The following SLA variants were observed in gnomAD, a reference collection of about 807,000 sequenced individuals.
SLA encodes Src like adaptor, also known as src-like-adapter.
A neutral mutation model predicts 30.3 loss-of-function variants in SLA; 16 were observed. The observed-to-expected ratio is 0.53, with a 90% CI of 0.36 to 0.80. The LOEUF is 0.80. Ranked by LOEUF, SLA falls within the 30% of genes least tolerant of loss-of-function variation. SLA has a pLI of 0.01. For missense variants in SLA, 310 were observed against 345.2 expected, an observed-to-expected ratio of 0.90 and a Z score of 0.81; for synonymous variants, 143 against 137.8, an observed-to-expected ratio of 1.04 and a Z score of -0.26.
chr8:133,102,365 T>A (rs1315683845), intron 1 of SLA, 188 bp downstream of exon 1: 29 of 546,346 alleles, frequency 5.3e-5, no homozygotes, highest in Non-Finnish European at 9.6e-5. Flanking sequence ...GAGTGGAGCC[T>A]CTTACCCCAA....
At chr8:133,083,004 T>C (rs1344641655) in intron 1 of SLA, among the ~76,000 whole-genome samples, 1 of 152,176 alleles carries the variant, frequency 6.6e-6, no homozygotes, top group Non-Finnish European at 1.5e-5. Flanking sequence ...CACAACTAAT[T>C]ACACTTAGTG....
chr8:133,046,091 G>T (rs531528313), intron 6 of SLA, among the ~76,000 whole-genome samples: 1 of 152,176 alleles, frequency 6.6e-6, no homozygotes, highest in East Asian at 1.9e-4. Context: ...GAGTAGAACC[G>T]CAGCCATGTG....
intron 1 of SLA, among the ~76,000 whole-genome samples, chr8:133,088,556 A>G (rs1221736754): frequency 1.3e-5 from 2 of 152,352 alleles, no homozygotes; most frequent in South Asian, 2.1e-4. Context: ...TTTGGAGATC[A>G]TGAGAGAAAA....
intron 1 of SLA, among the ~76,000 whole-genome samples, chr8:133,099,041 T>C (rs1199902333): frequency 3.3e-5 from 5 of 152,196 alleles, no homozygotes; most frequent in Non-Finnish European, 7.4e-5. Flanking sequence ...CTAAGGTTTT[T>C]AAGGAAAGCT....
intron 1 of SLA, among the ~76,000 whole-genome samples, chr8:133,090,778 A>G (rs1172415649): frequency 6.6e-6 from 1 of 152,216 alleles, no homozygotes; most frequent in Non-Finnish European, 1.5e-5. Flanking sequence ...GACAAAGGAA[A>G]TTGGCAAAAT....
In SLA at chr8:133,038,668, A is replaced by G; in HGVS notation, c.687T>C (p.Leu229=). The G allele has an allele frequency of 6.2e-7, 1 of 1,614,098 alleles. No homozygotes were observed. The highest frequency in any genetic ancestry group is 1.3e-5 in the African/African-American group (1 of 75,018). Residue 229 remains leucine, a synonymous_variant, in exon 9 of 9, where the codon CTT becomes CTC. Coordinates refer to ENST00000338087, the MANE Select transcript of SLA (RefSeq NM_001045556.3). ...GVDESLFSYG[L]RESIASYLSL... ...ACAGGTAAGAGGCAATGCTCTCTCG[A>G]AGGCCATAGCTGAAAAGGGACTCGT...
intron 3 of SLA, among the ~76,000 whole-genome samples, chr8:133,053,263 A>G (rs1840760944): frequency 1.3e-5 from 2 of 151,938 alleles, no homozygotes; most frequent in Non-Finnish European, 2.9e-5. Flanking sequence ...GCATTTTCCC[A>G]TTTGTGTGAC....
At chr8:133,096,053 G>A (rs573381564) in intron 1 of SLA, among the ~76,000 whole-genome samples, 1 of 152,334 alleles carries the variant, frequency 6.6e-6, no homozygotes, top group East Asian at 1.9e-4. Flanking sequence ...TTTGTCACAT[G>A]GTGTCCTGCC....
intron 3 of SLA, among the ~76,000 whole-genome samples, chr8:133,055,579 G>T (rs190337780): frequency 7.2e-5 from 11 of 152,158 alleles, no homozygotes; most frequent in Admixed American, 1.3e-4. Context: ...CCCAAGCCTT[G>T]GTTTTTCCGT....
chr8:133,066,183 G>A (rs6992986), intron 2 of SLA, among the ~76,000 whole-genome samples: 22,469 of 152,056 alleles, frequency 0.15, 2,223 homozygotes, highest in Non-Finnish European at 0.21. Context: ...TAAATTAGCC[G>A]GGCGTGGTGG....
In SLA at chr8:133,075,744, C is replaced by T. The variant is rs146546253; in HGVS notation, c.-318-614G>A. ...GCCATAGAAGTAATGGCAAAAACCA[C>T]AATCATTGTGGCACCAACCTAATAC... On this transcript the variant is annotated intron_variant, in intron 1 of 8. Coordinates refer to ENST00000338087, the MANE Select transcript of SLA (RefSeq NM_001045556.3). 5.8e-3 allele frequency among the ~76,000 whole-genome samples: 889 copies of T among 152,174 alleles called. 4 individuals carry two copies. The highest frequency in any genetic ancestry group is 0.02 in the Middle Eastern group (6 of 294).
chr8:133,074,573 C>A (rs1423497465), intron 2 of SLA, among the ~76,000 whole-genome samples: 1 of 152,218 alleles, frequency 6.6e-6, no homozygotes, highest in African/African-American at 2.4e-5. Context: ...TTGTAAGAAG[C>A]CTGCTAAGTA....
At chr8:133,067,061 T>C (rs1300490333) in intron 2 of SLA, among the ~76,000 whole-genome samples, 1 of 152,206 alleles carries the variant, frequency 6.6e-6, no homozygotes, top group Non-Finnish European at 1.5e-5. Context: ...TGCTCAGTGC[T>C]GCCTGTGGTC....
At position 133,050,876 on chromosome 8, in the gene SLA, G is replaced by A. The variant is rs753671246; in HGVS notation, c.101C>T (p.Pro34Leu). The A allele has an allele frequency of 3.1e-6, 5 of 1,613,838 alleles. No individual in the cohort carries two copies. Among genetic ancestry groups the A allele is most frequent in the South Asian group, 2.2e-5 (2 of 91,058 alleles). Residue 34 changes from proline to leucine, a missense_variant, in exon 4 of 9, where the codon CCG (proline) becomes CTG (leucine). By Grantham distance (98) the Pro-to-Leu change is moderately conservative. Transcript: ENST00000338087. ...TATCGGGGGGCTGATGTCAGGAGAC[G>A]GGTAGTCACTTAGCACGGCAAGGAA... The part of the protein sequence containing the change: ...SDFLAVLSDY[P>L]SPDISPPIFR...
chr8:133,099,568 A>G (rs771842118), intron 1 of SLA, among the ~76,000 whole-genome samples: 34 of 152,128 alleles, frequency 2.2e-4, no homozygotes, highest in Non-Finnish European at 1.3e-4. Flanking sequence ...CTTCACTTAC[A>G]TGTCTCATAG....
chr8:133,041,784 GT>G lies in SLA; in HGVS notation c.485-1655del, dbSNP rs529937626. Among the ~76,000 whole-genome samples, 401 of 124,390 alleles carry G rather than the reference GT, an allele frequency of 3.2e-3. 2 individuals carry two copies. The highest frequency in any genetic ancestry group is 0.023 in the East Asian group (96 of 4,212). 81.6% of individuals were successfully genotyped at this position (124,390 alleles called of 152,430 possible). On this transcript the variant is annotated intron_variant, in intron 7 of 8. Transcript: ENST00000338087. ...TGAGGCCTTGATCAGCTTGTGGTCAGTTTTTTTTTTTTTTTTTTTTTTTAGA... is the reference window on the plus strand; with the variant it reads ...TGAGGCCTTGATCAGCTTGTGGTCAGTTTTTTTTTTTTTTTTTTTTTTAGA...
intron 1 of SLA, among the ~76,000 whole-genome samples, chr8:133,075,416 A>G (rs1844714767): frequency 6.6e-6 from 1 of 152,212 alleles, no homozygotes; most frequent in Non-Finnish European, 1.5e-5. Flanking sequence ...AGGAGACTAA[A>G]GAGACACAAT....
At chr8:133,093,567 G>A (rs1168857760) in intron 1 of SLA, among the ~76,000 whole-genome samples, 2 of 152,168 alleles carry the variant, frequency 1.3e-5, no homozygotes, top group East Asian at 1.9e-4. Context: ...CATTACAAAA[G>A]TTCCTCTGGC....
rs1201826161 is a variant in SLA, at chr8:133,081,357, C to G, written c.-318-6227G>C. The stretch of plus-strand genomic sequence containing the variant: ...AAAGTAAATAAATTGTGAATGGTGA[C>G]TTTTCACCTCTGGGGAAGACAATAA... On this transcript the variant is annotated intron_variant, in intron 1 of 8. Coordinates refer to ENST00000338087, the MANE Select transcript of SLA (RefSeq NM_001045556.3). 1.3e-5 allele frequency among the ~76,000 whole-genome samples: 2 copies of G among 152,238 alleles called. 1 individual carries two copies. The highest frequency in any genetic ancestry group is 4.1e-4 in the South Asian group (2 of 4,834).
Sources: gnomAD v4.1 joint callset for allele counts (sites outside exome capture counted in the v4.1 genomes callset) on GRCh38, gnomAD v4.1.1 for gene constraint, MANE v1.5 for transcripts, NCBI Gene and HGNC (gene_info 2026-07-23, HGNC 2026-07-21) for gene names.